Variants in ZNF391 observed in about 807,000 individuals in gnomAD.
ZNF391 encodes zinc finger protein 391.
For missense variants in ZNF391, 375 were observed against 425.5 expected (o/e 0.88, Z 1.04); for synonymous variants, 126 against 142.1 (o/e 0.89, Z 0.80).
chr6:27,402,596 C>T lies in ZNF391; in HGVS notation c.*1149C>T, dbSNP rs1199604783. The T allele has an allele frequency of 6.6e-6, 1 of 152,104 alleles. No individual in the cohort carries two copies. Among genetic ancestry groups the T allele is most frequent in the Non-Finnish European group, 1.5e-5 (1 of 68,050 alleles). 9.4% of individuals were successfully genotyped at this position (152,104 alleles called of 1,614,324 possible). A position where few individuals can be genotyped will look rare whatever the true frequency, so the allele number is the denominator to read the frequency against. ...TTATACACTTCTTGAAGACAGAAAT[C>T]TTGGTTTGTTTGTTGTTTTATTTTT... On this transcript the variant is annotated 3_prime_UTR_variant, in exon 3 of 3. Coordinates refer to ENST00000244576, the MANE Select transcript of ZNF391 (RefSeq NM_001076781.3).
At chr6:27,396,172 T>C (rs1027107681) in intron 1 of ZNF391, among the ~76,000 whole-genome samples, 1 of 152,190 alleles carries the variant, frequency 6.6e-6, no homozygotes, top group Non-Finnish European at 1.5e-5. Flanking sequence ...CCTACCTACC[T>C]ATGAAATAAT....
chr6:27,387,735 A>G (rs1761607713), upstream of ZNF391, among the ~76,000 whole-genome samples: 1 of 152,186 alleles, frequency 6.6e-6, no homozygotes, highest in Non-Finnish European at 1.5e-5. Context: ...GACTGTGGGG[A>G]GCAGGGAATA....
rs978417162 is a variant in ZNF391 at position 27,401,742 on chromosome 6, A to G, written c.*295A>G. 7 of 239,070 alleles carry G rather than the reference A, an allele frequency of 2.9e-5. No individual in the cohort carries two copies. Among genetic ancestry groups the G allele is most frequent in the African/African-American group, 1.6e-4 (7 of 44,252 alleles). 14.8% of individuals were successfully genotyped at this position (239,070 alleles called of 1,614,324 possible). A position where few individuals can be genotyped will look rare whatever the true frequency, so the allele number is the denominator to read the frequency against. On this transcript the variant is annotated 3_prime_UTR_variant, in exon 3 of 3. Coordinates refer to ENST00000244576, the MANE Select transcript of ZNF391 (RefSeq NM_001076781.3). Reference sequence around the variant, plus strand: ...ATGACTCAAAAAACATAACATATGAAATCTAATATTCTGAAGGGCTCCAAC... The same window carrying G: ...ATGACTCAAAAAACATAACATATGAGATCTAATATTCTGAAGGGCTCCAAC...
At chr6:27,396,304 C>G (rs554644185) in intron 1 of ZNF391, among the ~76,000 whole-genome samples, 1 of 152,276 alleles carries the variant, frequency 6.6e-6, no homozygotes, top group South Asian at 2.1e-4. Flanking sequence ...ATGCTTACAC[C>G]TATTAGAATC....
chr6:27,386,726 A>G (rs1226793852), upstream of ZNF391, among the ~76,000 whole-genome samples: 1 of 152,188 alleles, frequency 6.6e-6, no homozygotes, highest in Admixed American at 6.5e-5. Context: ...AAGTTGTAGT[A>G]TTTACACCAT....
intron 1 of ZNF391, among the ~76,000 whole-genome samples, chr6:27,382,438 A>G (rs1199424108): frequency 6.6e-6 from 1 of 152,220 alleles, no homozygotes; most frequent in Non-Finnish European, 1.5e-5. Context: ...ATTTCCATAT[A>G]TCAAGAAAAT....
chr6:27,393,047 C>A (rs939498937), intron 1 of ZNF391, among the ~76,000 whole-genome samples: 4 of 152,126 alleles, frequency 2.6e-5, no homozygotes, highest in Non-Finnish European at 5.9e-5. Context: ...TAGAAAGTTT[C>A]CCTAGTGGAG....
At chr6:27,375,928 T>C (rs1162622677) in intron 1 of ZNF391, among the ~76,000 whole-genome samples, 1 of 152,216 alleles carries the variant, frequency 6.6e-6, no homozygotes. Context: ...TACAGAATTT[T>C]TGGGAGTTTA....
chr6:27,400,694 T>G lies in ZNF391; in HGVS notation c.324T>G (p.Pro108=). 1 of 1,613,886 alleles carries G rather than the reference T, an allele frequency of 6.2e-7. No homozygotes were observed. Among genetic ancestry groups the G allele is most frequent in the Middle Eastern group, 1.6e-4 (1 of 6,062 alleles). The change falls in exon 3 of 3, where the codon CCT becomes CCG. Residue 108 remains proline (P), a synonymous_variant. Transcript: ENST00000244576. ...KHQRLFSQRK[P]CKCNECEKAF... ...AAAGACTTTTCTCACAAAGAAAACC[T>G]TGTAAATGCAATGAATGTGAAAAAG...
chr6:27,395,623 A>T (rs1195925878), intron 1 of ZNF391, among the ~76,000 whole-genome samples: 1 of 152,196 alleles, frequency 6.6e-6, no homozygotes, highest in East Asian at 1.9e-4. Flanking sequence ...CTCATATCAA[A>T]TTGGCACAGT....
intron 1 of ZNF391, chr6:27,375,188 G>C (rs1761397137): frequency 6.6e-6 from 1 of 152,320 alleles, no homozygotes; most frequent in Non-Finnish European, 1.5e-5. Flanking sequence ...CTGAGAAAGG[G>C]TTTACCTGTC....
At chr6:27,390,541 A>G (rs1343480827) in intron 1 of ZNF391, among the ~76,000 whole-genome samples, 1 of 112,634 alleles carries the variant, frequency 8.9e-6, no homozygotes, top group African/African-American at 3.2e-5. Flanking sequence ...ACCTCCTAGC[A>G]TCTCTGAAAT....
intron 1 of ZNF391, among the ~76,000 whole-genome samples, chr6:27,395,994 T>C (rs1419301635): frequency 6.6e-6 from 1 of 152,224 alleles, no homozygotes; most frequent in Non-Finnish European, 1.5e-5. Context: ...CAAGAACTTT[T>C]GCTTTAGTAG....
intron 1 of ZNF391, among the ~76,000 whole-genome samples, chr6:27,398,915 G>A (rs921453477): frequency 2.0e-5 from 3 of 152,156 alleles, no homozygotes; most frequent in African/African-American, 7.2e-5. Context: ...TAGTACCTGG[G>A]AAGCTTGAGA....
At chr6:27,384,106 T>C (rs377713130), upstream of ZNF391, among the ~76,000 whole-genome samples, 165 of 152,318 alleles carry the variant, frequency 1.1e-3, no homozygotes, top group African/African-American at 3.9e-3. Context: ...TTGCATGAAA[T>C]GTTAATATAA....
intron 1 of ZNF391, among the ~76,000 whole-genome samples, chr6:27,382,966 A>G (rs1216425551): frequency 6.6e-6 from 1 of 152,062 alleles, no homozygotes; most frequent in South Asian, 2.1e-4. Flanking sequence ...CCAAAAATAC[A>G]AAAATTAGCT....
chr6:27,393,890 A>C (rs1194122424), intron 1 of ZNF391, among the ~76,000 whole-genome samples: 1 of 152,212 alleles, frequency 6.6e-6, no homozygotes, highest in Non-Finnish European at 1.5e-5. Flanking sequence ...GGAAGTTTGC[A>C]CTTCAGAGTG....
intron 2 of ZNF391, among the ~76,000 whole-genome samples, chr6:27,399,810 A>G (rs559404663): frequency 6.6e-6 from 1 of 152,336 alleles, no homozygotes; most frequent in East Asian, 1.9e-4. Flanking sequence ...TGTGGTCGTT[A>G]CTATTTCTGA....
At chr6:27,391,547 GGACTAT>G (rs59792834) in intron 1 of ZNF391, among the ~76,000 whole-genome samples, 106,492 of 151,054 alleles carry the variant, frequency 0.7, 37,734 homozygotes, top group Middle Eastern at 0.8. Flanking sequence ...TGGATGCCTT[GGACTAT>G]GACCTTTGCC....
Sources: gnomAD v4.1 joint callset for allele counts (sites outside exome capture counted in the v4.1 genomes callset) on GRCh38, gnomAD v4.1.1 for gene constraint, MANE v1.5 for transcripts, NCBI Gene and HGNC (gene_info 2026-07-23, HGNC 2026-07-21) for gene names.